NDUFS4: variants seen among roughly 807,000 people sequenced by gnomAD.
NDUFS4 encodes NADH:ubiquinone oxidoreductase subunit S4, also known as NADH dehydrogenase [ubiquinone] iron-sulfur protein 4, mitochondrial.
A neutral mutation model predicts 24.3 loss-of-function variants in NDUFS4; 28 were observed. The observed-to-expected ratio is 1.15, with a 90% CI of 0.85 to 1.58. The LOEUF (loss-of-function observed/expected upper bound fraction) is 1.58. Among genes scored for constraint, NDUFS4 ranks in the 40% most tolerant of loss-of-function variants. The pLI is 0.00. For missense variants in NDUFS4, 223 were observed against 207.9 expected (o/e 1.07, Z -0.45); for synonymous variants, 93 against 69.7 (o/e 1.34, Z -1.67).
chr5:53,604,345 A>G (rs778847707), intron 2 of NDUFS4, among the ~76,000 whole-genome samples: 1 of 152,232 alleles, frequency 6.6e-6, no homozygotes, highest in Non-Finnish European at 1.5e-5. Flanking sequence ...GTCACACTTA[A>G]ATTTCTATTT....
chr5:53,634,390 C>T (rs1751492329), intron 2 of NDUFS4, among the ~76,000 whole-genome samples: 1 of 151,896 alleles, frequency 6.6e-6, no homozygotes, highest in African/African-American at 2.4e-5. Flanking sequence ...ATGTTCTGGC[C>T]CTTTGTCCTG....
In NDUFS4 at chr5:53,639,312, G is replaced by C. The variant is rs1230498037; in HGVS notation, c.178-6921G>C. Among the ~76,000 whole-genome samples, 4 of 151,714 alleles carry C rather than the reference G, an allele frequency of 2.6e-5. No homozygotes were observed. In the East Asian group the frequency reaches 7.7e-4, roughly 29 times the overall value. ...ATACTATTATGATTTCTAGAAACAT[G>C]CTTCCTTATAGTACAATTTCTCATT... On this transcript the variant is annotated intron_variant, in intron 2 of 4. Coordinates refer to ENST00000296684, the MANE Select transcript of NDUFS4 (RefSeq NM_002495.4).
intron 4 of NDUFS4, among the ~76,000 whole-genome samples, chr5:53,668,109 C>A (rs1752569775): frequency 6.6e-6 from 1 of 152,118 alleles, no homozygotes; most frequent in Admixed American, 6.5e-5. Flanking sequence ...CTGCCACATA[C>A]CTACACAAAA....
At chr5:53,663,942 A>G (rs559618092) in intron 4 of NDUFS4, among the ~76,000 whole-genome samples, 3 of 152,032 alleles carry the variant, frequency 2.0e-5, no homozygotes, top group Admixed American at 6.6e-5. Context: ...GGTCTTTACA[A>G]TTTATCATGT....
In NDUFS4 at chr5:53,674,893, G is replaced by A. The variant is rs75333462; in HGVS notation, c.425-8225G>A. Among the ~76,000 whole-genome samples the A allele has an allele frequency of 5.4e-3, 818 of 152,094 alleles. 9 individuals are homozygous for A. Among genetic ancestry groups the A allele is most frequent in the Non-Finnish European group, 6.3e-3 (429 of 67,988 alleles). On this transcript the variant is annotated intron_variant, in intron 4 of 4. Coordinates refer to ENST00000296684, the MANE Select transcript of NDUFS4 (RefSeq NM_002495.4). ...TTATATATTTGACATTGATAAACCA[G>A]AGAAAACCTTGCTGTTTTATTAAAC...
At chr5:53,566,632 A>T (rs1389736352) in intron 1 of NDUFS4, among the ~76,000 whole-genome samples, 1 of 152,164 alleles carries the variant, frequency 6.6e-6, no homozygotes, top group African/African-American at 2.4e-5. Context: ...AAATCCACGG[A>T]TGCTCAAGTC....
intron 4 of NDUFS4, among the ~76,000 whole-genome samples, chr5:53,675,333 T>G (rs1009372990): frequency 1.3e-5 from 2 of 151,940 alleles, no homozygotes; most frequent in Non-Finnish European, 2.9e-5. Flanking sequence ...CAGCTAATTT[T>G]TTGTATTTTT....
At chr5:53,603,420 A>G in intron 1 of NDUFS4, 32 bp from the exon 2 acceptor site, 1 of 1,542,406 alleles carries the variant, frequency 6.5e-7, no homozygotes, top group Non-Finnish European at 8.9e-7. Context: ...CATTGCCTGG[A>G]TCCTTTTTTA....
intron 2 of NDUFS4, among the ~76,000 whole-genome samples, chr5:53,605,409 G>T (rs1301039671): frequency 6.6e-6 from 1 of 152,044 alleles, no homozygotes; most frequent in African/African-American, 2.4e-5. Flanking sequence ...ACTCTTCTAA[G>T]TTCTCTTCTT....
At chr5:53,650,064 T>C (rs1751972647) in intron 3 of NDUFS4, among the ~76,000 whole-genome samples, 1 of 152,142 alleles carries the variant, frequency 6.6e-6, no homozygotes, top group South Asian at 2.1e-4. Flanking sequence ...AGGAAAAAAT[T>C]TGTCCCGATC....
chr5:53,561,510 ATGAT>A (rs1561326519), intron 1 of NDUFS4, among the ~76,000 whole-genome samples: 2 of 19,628 alleles, frequency 1.0e-4, no homozygotes, highest in Non-Finnish European at 2.0e-4. Context: ...CATTTTTGTG[ATGAT>A]TTTTTTTTTT....
chr5:53,573,741 A>T, intron 1 of NDUFS4: 1 of 236,072 alleles, frequency 4.2e-6, no homozygotes, highest in South Asian at 4.6e-5. Context: ...GGCATGTACC[A>T]CTAAGCTTGA....
chr5:53,672,757 T>G (rs1318352086), intron 4 of NDUFS4, among the ~76,000 whole-genome samples: 1 of 152,126 alleles, frequency 6.6e-6, no homozygotes, highest in East Asian at 1.9e-4. Flanking sequence ...TCTTGTATGC[T>G]TTGGTGAAAG....
chr5:53,600,490 G>A (rs72751854), intron 1 of NDUFS4, among the ~76,000 whole-genome samples: 39,605 of 151,844 alleles, frequency 0.26, 5,816 homozygotes, highest in Admixed American at 0.35. Context: ...TGTATTTTTA[G>A]TAGAGGTGGG....
At chr5:53,664,152 A>G (rs1752436163) in intron 4 of NDUFS4, among the ~76,000 whole-genome samples, 1 of 152,194 alleles carries the variant, frequency 6.6e-6, no homozygotes, top group African/African-American at 2.4e-5. Flanking sequence ...AGAATGTTGA[A>G]TATTGGCCCC....
At chr5:53,578,518 A>G (rs544777230) in intron 1 of NDUFS4, among the ~76,000 whole-genome samples, 1 of 152,132 alleles carries the variant, frequency 6.6e-6, no homozygotes, top group Non-Finnish European at 1.5e-5. Context: ...CTAGTTAAGA[A>G]CACACATTTT....
intron 4 of NDUFS4, among the ~76,000 whole-genome samples, chr5:53,675,369 A>G (rs1362888848): frequency 4.0e-5 from 6 of 151,736 alleles, no homozygotes; most frequent in African/African-American, 7.3e-5. Context: ...TCACCTTGTT[A>G]GCCAGGATGT....
intron 1 of NDUFS4, among the ~76,000 whole-genome samples, chr5:53,602,665 A>G (rs1750363959): frequency 6.6e-6 from 1 of 152,170 alleles, no homozygotes; most frequent in African/African-American, 2.4e-5. Flanking sequence ...TGGGGTGGAA[A>G]TTTGAGCCAC....
rs372107611 is a variant in NDUFS4 at position 53,586,976 on chromosome 5, G to A, written c.99-16476G>A. On this transcript the variant is annotated intron_variant, in intron 1 of 4. Transcript: ENST00000296684. ...GTAGCTGGGATTACAGGCATGTGCC[G>A]CCATGCCTGGCTAATTTTTTTTGTT... Among the ~76,000 whole-genome samples the A allele has an allele frequency of 1.9e-4, 29 of 151,202 alleles. No individual in the cohort carries two copies. The East Asian group carries it at 2.8e-3, about 14-fold the overall frequency.
Sources: allele counts gnomAD v4.1 joint callset (sites outside exome capture counted in the v4.1 genomes callset), GRCh38; gene constraint gnomAD v4.1.1; transcripts MANE v1.5; gene names NCBI Gene and HGNC (gene_info 2026-07-23, HGNC 2026-07-21).